Variants in ZBBX observed in about 807,000 individuals in gnomAD.
ZBBX encodes the protein zinc finger B-box domain containing, also known as zinc finger B-box domain-containing protein 1.
A neutral mutation model predicts 108.5 loss-of-function variants in ZBBX; 101 were observed. The ratio of observed to expected loss-of-function variants is 0.93; its 90% CI spans 0.79 to 1.10. ZBBX has a LOEUF of 1.10. ZBBX is among the 50% of genes least tolerant of loss of function. The pLI is 0.00. For missense variants in ZBBX, 1,009 were observed against 941.4 expected (o/e 1.07, Z -0.94); for synonymous variants, 356 against 323.4 (o/e 1.10, Z -1.08).
chr3:167,204,240 TTTC>T, the ZBBX span, among the ~76,000 whole-genome samples: 118 of 104,348 alleles, frequency 1.1e-3, 1 homozygote, highest in African/African-American at 3.6e-3. Flanking sequence ...TTTCTTTTCT[TTTC>T]TTTTTTTTTT....
In ZBBX at chr3:167,263,032, G is replaced by GTTTTTTT. The variant is rs1192290285; in HGVS notation, c.2254+19205_2254+19206insAAAAAAA. On this transcript the variant is annotated intron_variant, in intron 20 of 21. Transcript: ENST00000675490. ...GGTTTGGTTTGTGCTTGCTTTTCTA[G>GTTTTTTT]TTCTTTTTTTTTTTTTTTTTTTTGA... Among the ~76,000 whole-genome samples, 3 of 111,052 alleles carry GTTTTTTT rather than the reference G, an allele frequency of 2.7e-5. 1 individual carries two copies. Among genetic ancestry groups the GTTTTTTT allele is most frequent in the Admixed American group, 1.1e-4 (1 of 8,890 alleles). 72.9% of individuals were successfully genotyped at this position (111,052 alleles called of 152,430 possible). A position where few individuals can be genotyped will look rare whatever the true frequency, so the allele number is the denominator to read the frequency against.
chr3:167,196,196 A>G, the ZBBX span, among the ~76,000 whole-genome samples: 1 of 152,178 alleles, frequency 6.6e-6, no homozygotes, highest in Non-Finnish European at 1.5e-5. Context: ...TGATCAAGAG[A>G]ACAGCCCTTT....
At chr3:167,282,534 A>C (rs1729000253) in intron 19 of ZBBX, 39 bp from the exon 20 acceptor site, 1 of 1,553,164 alleles carries the variant, frequency 6.4e-7, no homozygotes, top group Non-Finnish European at 8.8e-7. Context: ...TCAACTTTTA[A>C]AAATTTGAAT....
the ZBBX span, among the ~76,000 whole-genome samples, chr3:167,210,678 A>G: frequency 3.3e-5 from 5 of 152,160 alleles, no homozygotes; most frequent in African/African-American, 1.2e-4. Context: ...AAAAAATACA[A>G]TGGAGCTCCA....
chr3:167,302,247 A>C (rs1732822718), intron 17 of ZBBX, among the ~76,000 whole-genome samples: 1 of 152,124 alleles, frequency 6.6e-6, no homozygotes, highest in Admixed American at 6.5e-5. Context: ...AATCTTCTCT[A>C]TCTTTACTAA....
chr3:167,329,932 A>G lies in ZBBX; in HGVS notation c.688-1816T>C, dbSNP rs116152834. Among the ~76,000 whole-genome samples the G allele has an allele frequency of 3.2e-3, 493 of 152,324 alleles. 1 individual carries two copies. Among genetic ancestry groups the G allele is most frequent in the African/African-American group, 0.012 (483 of 41,588 alleles). ...ATGTTACAGACATTTGCCCACATTG[A>G]TCAACATTACAAATGCATAATTTTT... is the stretch of plus-strand genomic sequence containing the variant. On this transcript the variant is annotated intron_variant, in intron 10 of 21. Transcript: ENST00000675490.
chr3:167,197,497 CA>C, the ZBBX span, among the ~76,000 whole-genome samples: 1 of 151,996 alleles, frequency 6.6e-6, no homozygotes, highest in Non-Finnish European at 1.5e-5. Context: ...GAGATTGCAC[CA>C]CCACATTCCA....
intron 10 of ZBBX, among the ~76,000 whole-genome samples, chr3:167,329,766 G>A (rs901775957): frequency 6.6e-6 from 1 of 152,150 alleles, no homozygotes; most frequent in East Asian, 1.9e-4. Flanking sequence ...AGCAGGGGAA[G>A]AATATCAAGG....
chr3:167,322,303 T>A, intron 11 of ZBBX, 66 bp from the exon 12 acceptor site: 1 of 1,318,388 alleles, frequency 7.6e-7, no homozygotes, highest in South Asian at 2.1e-5. Flanking sequence ...TATCTTCTCT[T>A]AAGATGTAGA....
chr3:167,376,753 T>A (rs1747023218), intron 2 of ZBBX, among the ~76,000 whole-genome samples: 1 of 152,200 alleles, frequency 6.6e-6, no homozygotes. Flanking sequence ...AGGCTTCTTC[T>A]CAATTACATA....
chr3:167,182,382 C>A, the ZBBX span, among the ~76,000 whole-genome samples: 1 of 152,220 alleles, frequency 6.6e-6, no homozygotes, highest in Non-Finnish European at 1.5e-5. Flanking sequence ...ATATCCCGAG[C>A]AGCCAAATCT....
At chr3:167,318,297 C>A (rs753593140) in intron 12 of ZBBX, among the ~76,000 whole-genome samples, 8 of 151,952 alleles carry the variant, frequency 5.3e-5, no homozygotes, top group South Asian at 4.1e-4. Flanking sequence ...AAAGCCAGAG[C>A]CTTCTCAGTG....
At chr3:167,314,233 C>T (rs999688947) in intron 15 of ZBBX, 117 bp from the exon 16 acceptor site, 2 of 740,350 alleles carry the variant, frequency 2.7e-6, no homozygotes, top group African/African-American at 3.7e-5. Context: ...GGGTTATTTA[C>T]ATTAATTTAA....
At chr3:167,303,951 T>A (rs7631887) in intron 17 of ZBBX, among the ~76,000 whole-genome samples, 7,647 of 152,274 alleles carry the variant, frequency 0.05, 528 homozygotes, top group African/African-American at 0.15. Flanking sequence ...CAAGCAATTT[T>A]TTAAACTTAT....
At chr3:167,401,758 T>C (rs1326124140) in intron 1 of ZBBX, among the ~76,000 whole-genome samples, 1 of 152,162 alleles carries the variant, frequency 6.6e-6, no homozygotes, top group Non-Finnish European at 1.5e-5. Flanking sequence ...GCCAACCTCC[T>C]ATACTTAGAA....
chr3:167,200,004 C>T, the ZBBX span, among the ~76,000 whole-genome samples: 4 of 152,116 alleles, frequency 2.6e-5, no homozygotes, highest in Non-Finnish European at 5.9e-5. Flanking sequence ...TGCAAGCAAT[C>T]CTTTTTGTAC....
chr3:167,286,452 T>C (rs368736816), intron 19 of ZBBX, among the ~76,000 whole-genome samples: 1 of 152,100 alleles, frequency 6.6e-6, no homozygotes, highest in Non-Finnish European at 1.5e-5. Context: ...TAAATATCAA[T>C]ACTGTTATGA....
At chr3:167,180,342 G>A in the ZBBX span, among the ~76,000 whole-genome samples, 5 of 152,180 alleles carry the variant, frequency 3.3e-5, no homozygotes, top group Non-Finnish European at 7.3e-5. Flanking sequence ...TCCAATTGAT[G>A]TCCCATAGTA....
intron 2 of ZBBX, among the ~76,000 whole-genome samples, chr3:167,376,567 T>G (rs895821788): frequency 9.9e-5 from 15 of 152,224 alleles, no homozygotes; most frequent in African/African-American, 2.7e-4. Flanking sequence ...TATGTGTATG[T>G]ACATATATAA....
Sources: gnomAD v4.1 joint callset for allele counts (sites outside exome capture counted in the v4.1 genomes callset) on GRCh38, gnomAD v4.1.1 for gene constraint, MANE v1.5 for transcripts, NCBI Gene and HGNC (gene_info 2026-07-23, HGNC 2026-07-21) for gene names.